SGCE: variants seen among roughly 807,000 people sequenced by gnomAD.
SGCE encodes the protein epsilon-sarcoglycan.
SGCE carries 26 observed loss-of-function variants against 57.8 expected under a neutral mutation model. The observed-to-expected ratio is 0.45, with a 90% CI of 0.33 to 0.62. SGCE has a LOEUF of 0.62. Among genes scored for constraint, SGCE ranks in the 20% least tolerant of loss-of-function variants. The pLI, the probability that SGCE is intolerant of heterozygous loss-of-function variation, is 0.02. For missense variants in SGCE, 468 were observed against 548.6 expected (o/e 0.85, Z 1.47); for synonymous variants, 183 against 189.5 (o/e 0.97, Z 0.28).
At chr7:94,651,945 T>G (rs75475206) in intron 1 of SGCE, among the ~76,000 whole-genome samples, 1 of 152,120 alleles carries the variant, frequency 6.6e-6, no homozygotes, top group Admixed American at 6.5e-5. Context: ...TTATTTTTTT[T>G]TTTTGTTTCT....
rs770044091 is a variant in SGCE, at chr7:94,603,460, A to C, written c.663-8T>G. ...CCAACCATGACATAAACGCTGTAAA[A>C]ATGTGAAACTCTCAGGTTATCCTTT... On this transcript the variant is annotated splice_polypyrimidine_tract_variant and splice_region_variant and intron_variant, in intron 5 of 10. Coordinates refer to ENST00000648936, the MANE Select transcript of SGCE (RefSeq NM_003919.3). 1 of 1,612,246 alleles carries C rather than the reference A, an allele frequency of 6.2e-7. No individual in the cohort carries two copies. Among genetic ancestry groups the C allele is most frequent in the South Asian group, 1.1e-5 (1 of 91,030 alleles).
At chr7:94,588,143 TAAAG>T (rs1584472454) in intron 10 of SGCE, 1 of 1,134,488 alleles carries the variant, frequency 8.8e-7, no homozygotes, top group Admixed American at 4.5e-5. Context: ...TTGAAAGAAA[TAAAG>T]AAAGCAAGTC....
At chr7:94,587,197 A>G in intron 10 of SGCE, 1 of 985,348 alleles carries the variant, frequency 1.0e-6, no homozygotes, top group Non-Finnish European at 1.2e-6. Flanking sequence ...TGTATTTGGA[A>G]GTGCTCTGTA....
At chr7:94,614,107 CAAAAAAA>C (rs925650428) in intron 5 of SGCE, among the ~76,000 whole-genome samples, 26 of 94,964 alleles carry the variant, frequency 2.7e-4, no homozygotes, top group Admixed American at 1.3e-3. Context: ...AAATTGAAAT[CAAAAAAA>C]AAAAAAAAAA....
At chr7:94,615,547 A>T (rs1294559147) in intron 5 of SGCE, among the ~76,000 whole-genome samples, 1 of 152,072 alleles carries the variant, frequency 6.6e-6, no homozygotes. Context: ...TCTTTTCCTC[A>T]AGTATAACTT....
At chr7:94,590,266 T>C (rs1332441078) in intron 9 of SGCE, among the ~76,000 whole-genome samples, 2 of 152,194 alleles carry the variant, frequency 1.3e-5, no homozygotes, top group African/African-American at 4.8e-5. Flanking sequence ...ATTTTTAACA[T>C]ATTATTTTTA....
intron 1 of SGCE, among the ~76,000 whole-genome samples, chr7:94,643,034 A>G (rs1806613465): frequency 6.6e-6 from 1 of 152,196 alleles, no homozygotes; most frequent in Admixed American, 6.5e-5. Context: ...ACCATAAAGA[A>G]AGAATGGGGT....
intron 9 of SGCE, among the ~76,000 whole-genome samples, chr7:94,591,240 ATATCT>A (rs1797638486): frequency 6.6e-6 from 1 of 152,184 alleles, no homozygotes; most frequent in Non-Finnish European, 1.5e-5. Context: ...GGCAAGGCAA[ATATCT>A]TTACTACAGA....
At chr7:94,641,944 C>G (rs544604445) in intron 1 of SGCE, among the ~76,000 whole-genome samples, 19 of 152,148 alleles carry the variant, frequency 1.2e-4, no homozygotes, top group Admixed American at 1.2e-3. Context: ...CCACTGCAAC[C>G]GGCTAAAACC....
At chr7:94,600,474 C>A in intron 7 of SGCE, 172 bp downstream of exon 7, 1 of 593,788 alleles carries the variant, frequency 1.7e-6, no homozygotes, top group South Asian at 2.1e-5. Flanking sequence ...ATTTACTAGA[C>A]TCAAAACTAT....
chr7:94,587,916 T>G (rs1466395559), intron 10 of SGCE: 16 of 1,460,432 alleles, frequency 1.1e-5, no homozygotes, highest in Non-Finnish European at 1.4e-5. Context: ...CTTAATAGTT[T>G]CCCTACCACA....
In SGCE at chr7:94,617,014, C is replaced by G. The variant is rs574013518; in HGVS notation, c.662+1744G>C. On this transcript the variant is annotated intron_variant, in intron 5 of 10. Coordinates refer to ENST00000648936, the MANE Select transcript of SGCE (RefSeq NM_003919.3). The stretch of plus-strand genomic sequence containing the variant: ...TCAAATATCTGACGGCATGTGCCAC[C>G]CTCTAGCAGGTGTTGGGTGTTGGGG... The G allele has an allele frequency of 2.6e-5, 4 of 152,238 alleles. No individual in the cohort carries two copies. In the South Asian group the frequency reaches 8.3e-4, roughly 32 times the overall value. The allele number at this position is 152,238 out of a possible 1,614,324, so 9.4% of individuals were successfully genotyped here. A position where few individuals can be genotyped will look rare whatever the true frequency, so the allele number is the denominator to read the frequency against.
intron 1 of SGCE, among the ~76,000 whole-genome samples, chr7:94,634,305 A>G (rs1805215402): frequency 6.6e-6 from 1 of 152,154 alleles, no homozygotes; most frequent in African/African-American, 2.4e-5. Flanking sequence ...ATTCTTTTTC[A>G]TGATGGTATA....
intron 9 of SGCE, among the ~76,000 whole-genome samples, chr7:94,595,078 G>T (rs1232490239): frequency 6.6e-6 from 1 of 152,054 alleles, no homozygotes; most frequent in Non-Finnish European, 1.5e-5. Context: ...TCTCAGTTCT[G>T]ACCTAATTTA....
At chr7:94,595,481 T>G (rs1050231242) in intron 9 of SGCE, among the ~76,000 whole-genome samples, 2 of 152,140 alleles carry the variant, frequency 1.3e-5, no homozygotes, top group Admixed American at 1.3e-4. Flanking sequence ...GTACACTTAG[T>G]ATGAATGTGA....
At chr7:94,592,002 C>T (rs561745657) in intron 9 of SGCE, among the ~76,000 whole-genome samples, 122 of 152,152 alleles carry the variant, frequency 8.0e-4, no homozygotes, top group Middle Eastern at 3.4e-3. Context: ...TGCTTGTGTG[C>T]GCAAAAAGGT....
chr7:94,594,155 G>A lies in SGCE; in HGVS notation c.1253+4620C>T, dbSNP rs116993510. On this transcript the variant is annotated intron_variant, in intron 9 of 10. Coordinates refer to ENST00000648936, the MANE Select transcript of SGCE (RefSeq NM_003919.3). The stretch of plus-strand genomic sequence containing the variant: ...GAAAGGGCAATCATTGAGGTACACC[G>A]GTCAAATACGTAATAGATTTTTGAT... Among the ~76,000 whole-genome samples, 1,281 of 152,028 alleles carry A rather than the reference G, an allele frequency of 8.4e-3. 8 individuals carry two copies. Among genetic ancestry groups the A allele is most frequent in the Middle Eastern group, 0.028 (8 of 290 alleles).
chr7:94,622,708 T>C (rs1444945917), intron 4 of SGCE: 4 of 151,958 alleles, frequency 2.6e-5, no homozygotes, highest in African/African-American at 9.7e-5. Context: ...GAGAGTGTAA[T>C]TCTGAGAATA....
At chr7:94,602,830 CTT>C (rs1438518530) in intron 6 of SGCE, among the ~76,000 whole-genome samples, 9 of 152,140 alleles carry the variant, frequency 5.9e-5, no homozygotes, top group Admixed American at 2.6e-4. Context: ...GGAATTGTCT[CTT>C]GTTTCTTGGA....
Sources: gnomAD v4.1 joint callset for allele counts (sites outside exome capture counted in the v4.1 genomes callset) on GRCh38, gnomAD v4.1.1 for gene constraint, MANE v1.5 for transcripts, NCBI Gene and HGNC (gene_info 2026-07-23, HGNC 2026-07-21) for gene names.